Variants in ADIG observed in about 807,000 individuals in gnomAD.
ADIG encodes adipogenesis associated.
In ADIG, 12 loss-of-function variants were observed where a neutral mutation model predicts 10.7. The ratio of observed to expected loss-of-function variants is 1.12; its 90% CI spans 0.72 to 1.82. The LOEUF (loss-of-function observed/expected upper bound fraction) is 1.82. ADIG is among the 40% of genes most tolerant of loss of function. The pLI, the probability that ADIG is intolerant of heterozygous loss-of-function variation, is 0.00. For synonymous variants in ADIG, 32 were observed against 35.6 expected (o/e 0.90, Z 0.36); for missense variants, 72 against 92.5 (o/e 0.78, Z 0.91).
intron 1 of ADIG, chr20:38,585,790 C>T: frequency 1.6e-6 from 1 of 608,280 alleles, no homozygotes; most frequent in Non-Finnish European, 2.9e-6. Context: ...TCTGTGTCCT[C>T]CCCTCTAGAT....
Position 38,588,217 on chromosome 20 carries a change from TCTC to T in ADIG, c.*135_*137del, listed in dbSNP as rs770770979. On this transcript the variant is annotated 3_prime_UTR_variant, in exon 3 of 3. Coordinates refer to ENST00000537425, the MANE Select transcript of ADIG (RefSeq NM_001393816.1). ...GTGCCTCCCTGGAACCCCCAACTCA[TCTC>T]CTCTTCAGACCGACATGTGAAAGCC... 9.2e-6 allele frequency: 12 copies of T among 1,304,334 alleles called. No homozygotes were observed. The African/African-American group carries it at 1.7e-4, about 18-fold the overall frequency. 80.8% of individuals were successfully genotyped at this position (1,304,334 alleles called of 1,614,324 possible).
chr20:38,588,165 G>A lies in ADIG; in HGVS notation c.*79G>A. 7.7e-7 allele frequency: 1 copy of A among 1,304,682 alleles called. No individual in the cohort carries two copies. 80.8% of individuals were successfully genotyped at this position (1,304,682 alleles called of 1,614,324 possible). A position where few individuals can be genotyped will look rare whatever the true frequency, so the allele number is the denominator to read the frequency against. On this transcript the variant is annotated 3_prime_UTR_variant, in exon 3 of 3. Transcript: ENST00000537425. The stretch of plus-strand genomic sequence containing the variant: ...GAAGTGGATGGGAGAGACTTGCCAG[G>A]GAGGCAAGAGGACTTTGGCAACTGT...
intron 2 of ADIG, among the ~76,000 whole-genome samples, chr20:38,586,716 A>C (rs1384401684): frequency 6.6e-6 from 1 of 152,148 alleles, no homozygotes; most frequent in East Asian, 1.9e-4. Flanking sequence ...GAAGGATGAC[A>C]TGATATTATT....
At chr20:38,587,401 C>T (rs2145581316) in intron 2 of ADIG, among the ~76,000 whole-genome samples, 1 of 152,254 alleles carries the variant, frequency 6.6e-6, no homozygotes, top group East Asian at 1.9e-4. Flanking sequence ...CCCACCTTGA[C>T]CACTGAGGGC....
At chr20:38,586,778 G>A (rs374457038) in intron 2 of ADIG, among the ~76,000 whole-genome samples, 7 of 152,030 alleles carry the variant, frequency 4.6e-5, no homozygotes, top group African/African-American at 1.7e-4. Flanking sequence ...AGGTACCAAG[G>A]CCTGTCTGAA....
intron 2 of ADIG, 22 bp from the exon 3 acceptor site, chr20:38,588,079 C>A (rs1172501395): frequency 7.8e-7 from 1 of 1,285,332 alleles, no homozygotes; most frequent in East Asian, 5.6e-5. Flanking sequence ...ATCCCTAGTC[C>A]CAACCTTCCT....
At chr20:38,587,571 C>T (rs533585726) in intron 2 of ADIG, among the ~76,000 whole-genome samples, 7 of 152,214 alleles carry the variant, frequency 4.6e-5, no homozygotes, top group South Asian at 4.1e-4. Context: ...AGGGGCCCCA[C>T]GTGTTAATTT....
chr20:38,588,323 T>C lies in ADIG; in HGVS notation c.*237T>C, dbSNP rs2088655094. 1 of 1,303,904 alleles carries C rather than the reference T, an allele frequency of 7.7e-7. No homozygotes were observed. 80.8% of individuals were successfully genotyped at this position (1,303,904 alleles called of 1,614,324 possible). Reference sequence around the variant, plus strand: ...GGAGCCGCTCAAGTCTGGGAGGGCATGGGAGCAGTGAGCAGGCCCATGGGG... The same window carrying C: ...GGAGCCGCTCAAGTCTGGGAGGGCACGGGAGCAGTGAGCAGGCCCATGGGG... On this transcript the variant is annotated 3_prime_UTR_variant, in exon 3 of 3. Transcript: ENST00000537425.
chr20:38,586,847 T>G (rs1365540246), intron 2 of ADIG, among the ~76,000 whole-genome samples: 1 of 124,312 alleles, frequency 8.0e-6, no homozygotes, highest in Non-Finnish European at 1.6e-5. Flanking sequence ...GATTCTCACC[T>G]CCATTTACAA....
At chr20:38,584,880 C>G (rs912158700) in intron 1 of ADIG, among the ~76,000 whole-genome samples, 2 of 152,054 alleles carry the variant, frequency 1.3e-5, no homozygotes, top group Non-Finnish European at 2.9e-5. Flanking sequence ...CTGGTTCAAG[C>G]GATTCTCCTG....
intron 2 of ADIG, among the ~76,000 whole-genome samples, chr20:38,587,813 C>T (rs1321195057): frequency 2.7e-5 from 4 of 149,058 alleles, no homozygotes; most frequent in Non-Finnish European, 5.9e-5. Flanking sequence ...TCTCAGTTTA[C>T]TGCAACTTCT....
At chr20:38,583,755 C>T (rs114986581) in intron 1 of ADIG, among the ~76,000 whole-genome samples, 241 of 152,314 alleles carry the variant, frequency 1.6e-3, no homozygotes, top group African/African-American at 5.5e-3. Context: ...CCAACCCCTC[C>T]GCAGACTTTC....
intron 1 of ADIG, chr20:38,585,818 C>A: frequency 1.6e-6 from 1 of 615,680 alleles, no homozygotes; most frequent in Non-Finnish European, 2.8e-6. Context: ...TTTTCCAAGT[C>A]ACAGGAGCAG....
chr20:38,583,862 A>C (rs927391091), intron 1 of ADIG, among the ~76,000 whole-genome samples: 1 of 152,208 alleles, frequency 6.6e-6, no homozygotes, highest in East Asian at 1.9e-4. Context: ...TGAGGTGGGC[A>C]TTCCTCCCTC....
At chr20:38,584,447 A>C (rs1048781474) in intron 1 of ADIG, among the ~76,000 whole-genome samples, 3 of 152,230 alleles carry the variant, frequency 2.0e-5, no homozygotes, top group African/African-American at 7.2e-5. Context: ...TTTGGGGCTG[A>C]AACAGAAGAG....
At chr20:38,586,269 G>A in intron 2 of ADIG, 108 bp downstream of exon 2, 1 of 822,792 alleles carries the variant, frequency 1.2e-6, no homozygotes. Context: ...TATGCTCCCT[G>A]GCCATGCTGG....
chr20:38,584,727 A>G (rs542861552), intron 1 of ADIG, among the ~76,000 whole-genome samples: 34 of 152,326 alleles, frequency 2.2e-4, no homozygotes, highest in African/African-American at 7.9e-4. Context: ...CACATACTCT[A>G]TGTTCAAAAA....
intron 1 of ADIG, among the ~76,000 whole-genome samples, chr20:38,583,561 A>G (rs1325783526): frequency 6.6e-6 from 1 of 152,242 alleles, no homozygotes; most frequent in Non-Finnish European, 1.5e-5. Context: ...AGGCTGAGAA[A>G]ATAGTCCAGC....
chr20:38,582,734 G>C (rs1294448028), intron 1 of ADIG, among the ~76,000 whole-genome samples: 1 of 152,214 alleles, frequency 6.6e-6, no homozygotes, highest in African/African-American at 2.4e-5. Flanking sequence ...ACAGCTGGTA[G>C]GGAGTCAGCC....
Sources: allele counts gnomAD v4.1 joint callset (sites outside exome capture counted in the v4.1 genomes callset), GRCh38; gene constraint gnomAD v4.1.1; transcripts MANE v1.5; gene names NCBI Gene and HGNC (gene_info 2026-07-23, HGNC 2026-07-21).